Variants in ESRRG observed in about 807,000 individuals in gnomAD.
The protein encoded by ESRRG is estrogen-related receptor gamma.
In ESRRG, 13 loss-of-function variants were observed where a neutral mutation model predicts 44.0. The ratio of observed to expected loss-of-function variants is 0.30; its 90% CI spans 0.19 to 0.47. The LOEUF is 0.47. ESRRG is among the 20% of genes least tolerant of loss of function. The pLI is 1.00. For synonymous variants in ESRRG, 215 were observed against 214.6 expected (o/e 1.00, Z -0.02); for missense variants, 395 against 580.6 (o/e 0.68, Z 3.29).
At chr1:217,118,986 C>T (rs2092777618) in intron 1 of ESRRG, among the ~76,000 whole-genome samples, 1 of 150,810 alleles carries the variant, frequency 6.6e-6, no homozygotes, top group Admixed American at 6.7e-5. Flanking sequence ...GAGTGAGACC[C>T]TATCTCTAGA....
At chr1:216,951,645 A>C (rs2066964425) in intron 1 of ESRRG, among the ~76,000 whole-genome samples, 1 of 151,506 alleles carries the variant, frequency 6.6e-6, no homozygotes, top group African/African-American at 2.4e-5. Flanking sequence ...TGTAACCCTC[A>C]TGTTTCATTG....
rs75475298 is a variant in ESRRG at position 216,607,909 on chromosome 1, G to A, written c.590-39811C>T. ...CACTAATAAGTTTATATAATTAAAC[G>A]TCCCAAAGCATTATTTCTCCTAGAT... On this transcript the variant is annotated intron_variant, in intron 3 of 6. Transcript: ENST00000408911. Among the ~76,000 whole-genome samples, 316 of 152,196 alleles carry A rather than the reference G, an allele frequency of 2.1e-3. 4 individuals are homozygous for A. The highest frequency in any genetic ancestry group is 3.5e-3 in the Non-Finnish European group (241 of 68,002).
chr1:216,880,304 CAAAA>C (rs11301281), intron 2 of ESRRG, among the ~76,000 whole-genome samples: 50 of 29,016 alleles, frequency 1.7e-3, no homozygotes, highest in African/African-American at 5.3e-3. Flanking sequence ...GCCTCCCTCT[CAAAA>C]AAAAAAAAAA....
intron 2 of ESRRG, among the ~76,000 whole-genome samples, chr1:216,917,158 CTTT>C (rs534545705): frequency 2.3e-5 from 3 of 130,602 alleles, no homozygotes; most frequent in Non-Finnish European, 3.3e-5. Flanking sequence ...AATAGACTTT[CTTT>C]TTTTTTTTTT....
chr1:216,663,169 A>T (rs1027657103), intron 2 of ESRRG, among the ~76,000 whole-genome samples: 2 of 152,186 alleles, frequency 1.3e-5, no homozygotes, highest in Admixed American at 6.6e-5. Context: ...CATATAAAAC[A>T]TAGGCGAAAG....
chr1:216,879,676 G>T (rs1383851844), intron 2 of ESRRG, among the ~76,000 whole-genome samples: 2 of 152,086 alleles, frequency 1.3e-5, no homozygotes. Flanking sequence ...CACTGTTATA[G>T]AATTTTCTGA....
At chr1:216,820,913 C>A (rs2148607038) in intron 2 of ESRRG, among the ~76,000 whole-genome samples, 1 of 152,246 alleles carries the variant, frequency 6.6e-6, no homozygotes, top group South Asian at 2.1e-4. Context: ...TCTACTTATC[C>A]TCTTTATGGT....
At chr1:216,656,680 T>C (rs890978137) in intron 2 of ESRRG, among the ~76,000 whole-genome samples, 1 of 152,164 alleles carries the variant, frequency 6.6e-6, no homozygotes, top group African/African-American at 2.4e-5. Flanking sequence ...AAAATAAAAA[T>C]ATATGTCAAA....
At chr1:217,025,713 A>G (rs1384116819) in intron 1 of ESRRG, among the ~76,000 whole-genome samples, 1 of 152,198 alleles carries the variant, frequency 6.6e-6, no homozygotes, top group Non-Finnish European at 1.5e-5. Context: ...GAAACTCAGG[A>G]TCAGGACATA....
At chr1:216,706,609 C>T (rs1421909827) in intron 1 of ESRRG, among the ~76,000 whole-genome samples, 1 of 152,142 alleles carries the variant, frequency 6.6e-6, no homozygotes, top group African/African-American at 2.4e-5. Flanking sequence ...TGATGCCAAG[C>T]TATCCTGAGA....
intron 3 of ESRRG, among the ~76,000 whole-genome samples, chr1:216,575,893 T>G (rs768960239): frequency 1.3e-5 from 2 of 152,040 alleles, no homozygotes; most frequent in Non-Finnish European, 2.9e-5. Flanking sequence ...TAATGAACAC[T>G]GTTACTCAAA....
intron 1 of ESRRG, among the ~76,000 whole-genome samples, chr1:217,044,427 T>C (rs2084469129): frequency 6.6e-6 from 1 of 152,106 alleles, no homozygotes; most frequent in African/African-American, 2.4e-5. Flanking sequence ...CCATTGCAAG[T>C]TTCTTCTATA....
intron 3 of ESRRG, among the ~76,000 whole-genome samples, chr1:216,580,944 A>T (rs899248269): frequency 6.6e-6 from 1 of 152,224 alleles, no homozygotes; most frequent in Admixed American, 6.5e-5. Flanking sequence ...AAAGCAAATA[A>T]AGTGCCCATG....
intron 1 of ESRRG, among the ~76,000 whole-genome samples, chr1:217,109,353 T>A (rs911829040): frequency 6.6e-6 from 1 of 152,116 alleles, no homozygotes; most frequent in Non-Finnish European, 1.5e-5. Context: ...CAAACTCTTT[T>A]CTATATACTT....
At chr1:216,919,745 T>A (rs933971941) in intron 2 of ESRRG, among the ~76,000 whole-genome samples, 3 of 151,858 alleles carry the variant, frequency 2.0e-5, no homozygotes, top group African/African-American at 7.3e-5. Flanking sequence ...CTGACCCGGG[T>A]GTTAATTTGA....
At chr1:216,673,823 G>A (rs1028451383) in intron 2 of ESRRG, among the ~76,000 whole-genome samples, 2 of 152,148 alleles carry the variant, frequency 1.3e-5, no homozygotes, top group Non-Finnish European at 2.9e-5. Flanking sequence ...CTTCCTCAAG[G>A]CAGGAGACAT....
chr1:216,707,192 T>G (rs1443469093), intron 1 of ESRRG, among the ~76,000 whole-genome samples: 1 of 152,224 alleles, frequency 6.6e-6, no homozygotes, highest in Non-Finnish European at 1.5e-5. Flanking sequence ...TTACCTTCTC[T>G]GCTACCTGGG....
intron 1 of ESRRG, among the ~76,000 whole-genome samples, chr1:216,680,205 A>T (rs537331299): frequency 1.3e-5 from 2 of 152,320 alleles, no homozygotes; most frequent in South Asian, 4.1e-4. Flanking sequence ...TCAAGTGCTT[A>T]TTATGTGCCA....
intron 1 of ESRRG, among the ~76,000 whole-genome samples, chr1:217,018,188 T>A (rs2079724317): frequency 6.6e-6 from 1 of 151,948 alleles, no homozygotes; most frequent in South Asian, 2.1e-4. Flanking sequence ...CATTTCACTT[T>A]CCTTCCTAAT....
Sources: gnomAD v4.1 joint callset for allele counts (sites outside exome capture counted in the v4.1 genomes callset) on GRCh38, gnomAD v4.1.1 for gene constraint, MANE v1.5 for transcripts, NCBI Gene and HGNC (gene_info 2026-07-23, HGNC 2026-07-21) for gene names.